Variants in PLCB1 observed in about 807,000 individuals in gnomAD.
PLCB1 encodes the protein phospholipase C beta 1, also known as 1-phosphatidylinositol 4,5-bisphosphate phosphodiesterase beta-1.
PLCB1 carries 46 observed loss-of-function variants against 161.8 expected under a neutral mutation model. The observed-to-expected ratio is 0.28, with a 90% CI of 0.22 to 0.36. The LOEUF (loss-of-function observed/expected upper bound fraction) is 0.36. Ranked by LOEUF, PLCB1 falls within the 10% of genes least tolerant of loss-of-function variation. PLCB1 has a pLI of 1.00. For missense variants in PLCB1, 1,016 were observed against 1,472.5 expected (o/e 0.69, Z 5.07); for synonymous variants, 517 against 503.7 (o/e 1.03, Z -0.35).
chr20:8,274,975 T>TA (rs1179001523), intron 2 of PLCB1, among the ~76,000 whole-genome samples: 1 of 152,162 alleles, frequency 6.6e-6, no homozygotes, highest in Non-Finnish European at 1.5e-5. Context: ...TGCCCTTTTT[T>TA]AAAAATCTTG....
chr20:8,872,051 T>C lies in PLCB1; in HGVS notation c.3424-9571T>C, dbSNP rs142227846. 2.2e-3 allele frequency among the ~76,000 whole-genome samples: 329 copies of C among 152,330 alleles called. 1 individual carries two copies. Among genetic ancestry groups the C allele is most frequent in the African/African-American group, 7.0e-3 (290 of 41,570 alleles). Reference sequence around the variant, plus strand: ...CCCTATGTGGAGAAAGAATCTTATCTATCCCAAAGTGAATTGTCTACTTTG... The same window carrying C: ...CCCTATGTGGAGAAAGAATCTTATCCATCCCAAAGTGAATTGTCTACTTTG... On this transcript the variant is annotated intron_variant, in intron 31 of 31. Coordinates refer to ENST00000338037, the MANE Select transcript of PLCB1 (RefSeq NM_015192.4).
chr20:8,636,409 T>G (rs1988763914), intron 4 of PLCB1, among the ~76,000 whole-genome samples: 1 of 152,254 alleles, frequency 6.6e-6, no homozygotes, highest in Non-Finnish European at 1.5e-5. Context: ...TGTTGGAGAA[T>G]GAGATTTACT....
intron 12 of PLCB1, among the ~76,000 whole-genome samples, chr20:8,710,382 C>T (rs1978933945): frequency 6.6e-6 from 1 of 152,194 alleles, no homozygotes; most frequent in African/African-American, 2.4e-5. Context: ...CCCACCAGGC[C>T]CCACTTCCAA....
chr20:8,242,279 G>T (rs1434160381), intron 2 of PLCB1, among the ~76,000 whole-genome samples: 1 of 151,950 alleles, frequency 6.6e-6, no homozygotes, highest in African/African-American at 2.4e-5. Context: ...CTCAGTGCCA[G>T]ATTCCACGGG....
chr20:8,459,915 C>T (rs1840170746), intron 3 of PLCB1, among the ~76,000 whole-genome samples: 1 of 152,142 alleles, frequency 6.6e-6, no homozygotes, highest in South Asian at 2.1e-4. Context: ...ATATTTCCCC[C>T]AAATGATAAA....
At chr20:8,800,310 A>AT (rs1210077207) in intron 31 of PLCB1, among the ~76,000 whole-genome samples, 1 of 152,186 alleles carries the variant, frequency 6.6e-6, no homozygotes, top group Non-Finnish European at 1.5e-5. Flanking sequence ...CTGTTTATAC[A>AT]TTTTCTGTCA....
intron 31 of PLCB1, among the ~76,000 whole-genome samples, chr20:8,833,563 A>C (rs1304209012): frequency 6.6e-6 from 1 of 152,150 alleles, no homozygotes; most frequent in East Asian, 1.9e-4. Flanking sequence ...AGGAGGAGGC[A>C]ATGTGTCCAC....
At chr20:8,548,256 CCCTT>C (rs1343310323) in intron 3 of PLCB1, among the ~76,000 whole-genome samples, 4 of 129,960 alleles carry the variant, frequency 3.1e-5, no homozygotes, top group East Asian at 2.3e-4. Context: ...CTCTTTTTCA[CCCTT>C]CCTTCCTTCT....
At chr20:8,177,015 T>C (rs1017853397) in intron 2 of PLCB1, among the ~76,000 whole-genome samples, 2 of 152,144 alleles carry the variant, frequency 1.3e-5, no homozygotes, top group African/African-American at 4.8e-5. Flanking sequence ...TAGAAAAATA[T>C]CTCATGGTAT....
intron 12 of PLCB1, among the ~76,000 whole-genome samples, chr20:8,712,062 G>A (rs1191736344): frequency 6.6e-6 from 1 of 152,180 alleles, no homozygotes; most frequent in Non-Finnish European, 1.5e-5. Flanking sequence ...CAGCACTTTG[G>A]GAGGCCGAGA....
chr20:8,377,166 C>T (rs754927136), intron 3 of PLCB1, among the ~76,000 whole-genome samples: 18 of 151,956 alleles, frequency 1.2e-4, no homozygotes, highest in Admixed American at 2.0e-4. Context: ...AAAGCGGGAT[C>T]GGAGACCTGA....
chr20:8,412,133 T>C (rs1201749961), intron 3 of PLCB1, among the ~76,000 whole-genome samples: 1 of 152,196 alleles, frequency 6.6e-6, no homozygotes, highest in Non-Finnish European at 1.5e-5. Context: ...GAGGAATACA[T>C]TGTAAGGTAT....
At chr20:8,638,726 TA>T (rs1221651791) in intron 4 of PLCB1, among the ~76,000 whole-genome samples, 4 of 152,216 alleles carry the variant, frequency 2.6e-5, no homozygotes, top group Non-Finnish European at 4.4e-5. Flanking sequence ...TACTATCATT[TA>T]ACAAGCATAT....
rs1023557466 is a variant in PLCB1 at position 8,868,913 on chromosome 20, C to T, written c.3424-12709C>T. ...CCTCCCAAAGTGCTGGGATTACAGA[C>T]GTGAGCCACTGCACCTGGCCAGGAG... On this transcript the variant is annotated intron_variant, in intron 31 of 31. Transcript: ENST00000338037. Among the ~76,000 whole-genome samples the T allele has an allele frequency of 3.3e-5, 5 of 152,186 alleles. No individual in the cohort carries two copies. The South Asian group carries it at 6.2e-4, about 19-fold the overall frequency.
chr20:8,727,234 TATA>T, intron 16 of PLCB1, 72 bp from the exon 17 acceptor site: 1 of 676,800 alleles, frequency 1.5e-6, no homozygotes, highest in Non-Finnish European at 2.5e-6. Flanking sequence ...CCATTTCTTT[TATA>T]ATGTTATAAT....
intron 2 of PLCB1, among the ~76,000 whole-genome samples, chr20:8,334,647 C>A (rs1175962923): frequency 6.6e-6 from 1 of 152,202 alleles, no homozygotes; most frequent in Non-Finnish European, 1.5e-5. Flanking sequence ...CTAATTCATG[C>A]CATTCCAGTT....
intron 3 of PLCB1, among the ~76,000 whole-genome samples, chr20:8,617,205 C>T (rs1415143315): frequency 1.3e-5 from 2 of 152,134 alleles, no homozygotes; most frequent in Non-Finnish European, 2.9e-5. Flanking sequence ...CCAGCTTGTA[C>T]CAGTTCATGA....
intron 9 of PLCB1, among the ~76,000 whole-genome samples, chr20:8,660,632 C>A (rs944102892): frequency 1.3e-5 from 2 of 152,038 alleles, no homozygotes; most frequent in Admixed American, 1.3e-4. Flanking sequence ...TACTGTAAAA[C>A]CCCATAATCC....
chr20:8,256,382 G>A (rs950985668), intron 2 of PLCB1, among the ~76,000 whole-genome samples: 2 of 151,964 alleles, frequency 1.3e-5, no homozygotes, highest in Non-Finnish European at 2.9e-5. Flanking sequence ...GTTTGCCTGG[G>A]GCACTTCAGT....
Sources: allele counts gnomAD v4.1 joint callset (sites outside exome capture counted in the v4.1 genomes callset), GRCh38; gene constraint gnomAD v4.1.1; transcripts MANE v1.5; gene names NCBI Gene and HGNC (gene_info 2026-07-23, HGNC 2026-07-21).